Variants in TTN observed in about 807,000 individuals in gnomAD.
The protein encoded by TTN is connectin.
A neutral mutation model predicts 3,223.0 loss-of-function variants in TTN; 1,525 were observed. That is an observed-to-expected ratio of 0.47 (90% CI 0.45 to 0.49). The LOEUF (loss-of-function observed/expected upper bound fraction) is 0.49. Ranked by LOEUF, TTN falls within the 20% of genes least tolerant of loss-of-function variation. The pLI is 0.00. For synonymous variants in TTN, 14,094 were observed against 15,161.0 expected (o/e 0.93, Z 5.17); for missense variants, 40,786 against 43,424.0 (o/e 0.94, Z 5.40).
Position 178,759,103 on chromosome 2 carries a change from A to G in TTN, c.10184T>C (p.Phe3395Ser). 6.2e-7 allele frequency: 1 copy of G among 1,614,024 alleles called. No homozygotes were observed. The highest frequency in any genetic ancestry group is 8.5e-7 in the Non-Finnish European group (1 of 1,179,954). The change falls in exon 44 of 363, where the codon TTT (phenylalanine) becomes TCT (serine). Residue 3395 changes from phenylalanine (F) to serine (S), a missense_variant. Transcript: ENST00000589042. Reference sequence around the variant, plus strand: ...AATTTCCAGTTGATAAGTGTCTTCAAATTGAGTCATTCTAAAGAACCGAGA... The same window carrying G: ...AATTTCCAGTTGATAAGTGTCTTCAGATTGAGTCATTCTAAAGAACCGAGA... The part of the protein sequence containing the change: ...KPSRFFRMTQ[F>S]EDTYQLEIAE...
At chr2:178,769,499 A>T (rs2091123314) in intron 37 of TTN, among the ~76,000 whole-genome samples, 180 bp downstream of exon 37, 1 of 152,004 alleles carries the variant, frequency 6.6e-6, no homozygotes, top group Non-Finnish European at 1.5e-5. Flanking sequence ...CTTGATCTCA[A>T]GTGATTCTCC....
At chr2:178,637,346 A>C in intron 224 of TTN, 23 bp downstream of exon 224, 1 of 1,442,340 alleles carries the variant, frequency 6.9e-7, no homozygotes, top group Non-Finnish European at 9.1e-7. Flanking sequence ...TTACAATGCA[A>C]GTACTAGAAA....
Position 178,717,351 on chromosome 2 carries a change from C to T in TTN, c.25383G>A (p.Lys8461=). 4 of 1,609,860 alleles carry T rather than the reference C, an allele frequency of 2.5e-6. No individual in the cohort carries two copies. Among genetic ancestry groups the T allele is most frequent in the Non-Finnish European group, 3.4e-6 (4 of 1,176,814 alleles). The change falls in exon 88 of 363, where the codon AAG becomes AAA. Residue 8461 remains lysine, a synonymous_variant. Coordinates refer to ENST00000589042, the MANE Select transcript of TTN (RefSeq NM_001267550.2). The part of the protein sequence containing the change: ...EHEVPPFFDL[K]PVSVDLALGE... ...CAAGAGCAAGATCTACTGATACAGG[C>T]TTTAGATCAAAGAAAGGAGGCACTT...
chr2:178,757,976 G>A, intron 44 of TTN, 60 bp from the exon 45 acceptor site: 1 of 1,480,936 alleles, frequency 6.8e-7, no homozygotes, highest in Admixed American at 2.3e-5. Context: ...GAACTCATTT[G>A]GAGTTGTCTA....
In TTN at chr2:178,729,700, C is replaced by T. The variant is rs1460731482; in HGVS notation, c.18553G>A (p.Gly6185Ser). 2 of 1,613,786 alleles carry T rather than the reference C, an allele frequency of 1.2e-6. No individual in the cohort carries two copies. Among genetic ancestry groups the T allele is most frequent in the South Asian group, 1.1e-5 (1 of 91,080 alleles). The stretch of plus-strand genomic sequence containing the variant: ...AGTTCAATGCTGCAGCTCGCCGTGC[C>T]TGCGTCATTTCGAGCTTCACACACA... ...TYVCEARNDA[G>S]TASCSIELKV... The change falls in exon 63 of 363, where the codon GGC becomes AGC. Residue 6185 changes from glycine to serine, a missense_variant. Transcript: ENST00000589042.
chr2:178,802,201 A>G lies in TTN; in HGVS notation c.232T>C (p.Tyr78His). ...GATCCATTGGTGGCTTTCAGGGAAT[A>G]TCGTCCACTGTTGGCTTTAGTCACG... ...PAVTKANSGR[Y>H]SLKATNGSGQ... The change falls in exon 3 of 363, where the codon TAT becomes CAT. Residue 78 changes from tyrosine (Y) to histidine (H), a missense_variant. Coordinates refer to ENST00000589042, the MANE Select transcript of TTN (RefSeq NM_001267550.2). The G allele has an allele frequency of 6.2e-7, 1 of 1,614,150 alleles. No individual in the cohort carries two copies. The highest frequency in any genetic ancestry group is 1.1e-5 in the South Asian group (1 of 91,086).
At chr2:178,583,285 A>G (rs2048186972) in intron 312 of TTN, 58 bp from the exon 313 acceptor site, 1 of 1,373,150 alleles carries the variant, frequency 7.3e-7, no homozygotes, top group Non-Finnish European at 9.7e-7. Flanking sequence ...TGTAATCCTT[A>G]TTAATAATAG....
Position 178,605,070 on chromosome 2 carries a change from A to G in TTN, c.54107T>C (p.Val18036Ala). Residue 18036 changes from valine to alanine, a missense_variant, in exon 280 of 363, where the codon GTC (valine) becomes GCC (alanine). Val to Ala is a moderately conservative substitution (Grantham distance 64). Transcript: ENST00000589042. Reference protein sequence around the residue: ...AKTELSIPKAVREDKGTYTVT... With the variant: ...AKTELSIPKAAREDKGTYTVT... ...TGTGTAAGTGCCTTTGTCCTCCCGG[A>G]CCGCTTTGGGAATGCTAAGCTCAGT... 6.2e-7 allele frequency: 1 copy of G among 1,612,536 alleles called. No homozygotes were observed. The highest frequency in any genetic ancestry group is 8.5e-7 in the Non-Finnish European group (1 of 1,179,086).
chr2:178,692,228 TGTG>T lies in TTN; in HGVS notation c.31679-132_31679-130del, dbSNP rs1045551715. 12 of 936,434 alleles carry T rather than the reference TGTG, an allele frequency of 1.3e-5. No homozygotes were observed. In the African/African-American group the frequency reaches 2.0e-4, roughly 16 times the overall value. The allele number at this position is 936,434 out of a possible 1,614,324, so 58.0% of individuals were successfully genotyped here. On this transcript the variant is annotated intron_variant, in intron 120 of 362. Transcript: ENST00000589042. ...AGGAAGTAATTTAAATATGCCTACT[TGTG>T]GTAGAAATGAAAGCTAAATACCTCA...
chr2:178,579,007 CA>C lies in TTN; in HGVS notation c.68022del (p.Glu22675LysfsTer7), dbSNP rs2047085522. The C allele has an allele frequency of 1.2e-6, 2 of 1,613,202 alleles. No individual in the cohort carries two copies. Among genetic ancestry groups the C allele is most frequent in the Non-Finnish European group, 1.7e-6 (2 of 1,179,496 alleles). On this transcript the variant is annotated frameshift_variant, in exon 320 of 363. Coordinates refer to ENST00000589042, the MANE Select transcript of TTN (RefSeq NM_001267550.2). LOFTEE classifies it high-confidence loss of function. ...KWAPPKDDGG[S>X]EITNYILEKR... ...TTCTCTAGGATATAGTTGGTGATTT[CA>C]GAACCTCCATCATCCTTTGGAGGAG...
At chr2:178,679,308 G>T (rs781549899) in intron 142 of TTN, 31 bp downstream of exon 142, 1 of 1,604,530 alleles carries the variant, frequency 6.2e-7, no homozygotes, top group South Asian at 1.1e-5. Flanking sequence ...GAATTATCAT[G>T]CTATTCCACT....
rs752730793 is a variant in TTN, at chr2:178,775,972, C to A, written c.5892G>T (p.Val1964=). Residue 1964 remains valine (V), a synonymous_variant, in exon 28 of 363, where the codon GTG becomes GTT. Transcript: ENST00000589042. ...PGKLQFEVQK[V]DRPVDTTETK... is the part of the protein sequence containing the mutation. ...TTTCAGTGGTGTCAACAGGTCTATCCACTTTTTGTACTTCAAACTGAAGCT... is the reference window on the plus strand; with the variant it reads ...TTTCAGTGGTGTCAACAGGTCTATCAACTTTTTGTACTTCAAACTGAAGCT... 18 of 1,613,996 alleles carry A rather than the reference C, an allele frequency of 1.1e-5. No homozygotes were observed. The Admixed American group carries it at 2.8e-4, about 25-fold the overall frequency.
chr2:178,561,218 G>A lies in TTN; in HGVS notation c.84914C>T (p.Thr28305Ile). The A allele has an allele frequency of 2.5e-6, 4 of 1,613,500 alleles. No individual in the cohort carries two copies. The South Asian group carries it at 4.4e-5, about 18-fold the overall frequency. The change falls in exon 326 of 363, where the codon ACT becomes ATT. Residue 28305 changes from threonine to isoleucine, a missense_variant. Physicochemically the swap from Thr to Ile is moderately conservative, Grantham distance 89. Coordinates refer to ENST00000589042, the MANE Select transcript of TTN (RefSeq NM_001267550.2). ...TTCAAAGTATGTTTCTTGTATATTA[G>A]TATAATTGCACTTCAGCCACCGGCC... ...PDGRWLKCNY[T>I]NIQETYFEVT... is the part of the protein sequence containing the mutation.
chr2:178,570,232 A>G lies in TTN; in HGVS notation c.75900T>C (p.Asn25300=). The G allele has an allele frequency of 6.2e-7, 1 of 1,613,374 alleles. No homozygotes were observed. The change falls in exon 326 of 363, where the codon AAT becomes AAC. Residue 25300 remains asparagine, a synonymous_variant. Coordinates refer to ENST00000589042, the MANE Select transcript of TTN (RefSeq NM_001267550.2). The part of the protein sequence containing the change: ...PLESEPVVAK[N]PFVVPDAPKA... ...TTGGTGCATCTGGTACTACAAATGG[A>G]TTCTTGGCAACTACTGGCTCAGATT...
Position 178,572,290 on chromosome 2 carries a change from T to G in TTN, c.73842A>C (p.Ser24614=), listed in dbSNP as rs1298294252. 6.2e-7 allele frequency: 1 copy of G among 1,612,670 alleles called. No homozygotes were observed. Among genetic ancestry groups the G allele is most frequent in the Non-Finnish European group, 8.5e-7 (1 of 1,178,932 alleles). The change falls in exon 326 of 363, where the codon TCA becomes TCC. Residue 24614 remains serine, a synonymous_variant. Transcript: ENST00000589042. ...TTTTTCCTGGAGGAAGAGGTCGTTC[T>G]GATGCTTTCACAGATTCTGCGGTTT... ...PAETAESVKA[S]ERPLPPGKIT...
Position 178,733,026 on chromosome 2 carries a change from G to A in TTN, c.16150C>T (p.Leu5384Phe), listed in dbSNP as rs879244251. ...CRLDCKIAGS[L>F]PMRVSWFKDG... ...TTAAACCAGGACACCCTCATGGGGA[G>A]GGAGCCTGCAATTTTGCAGTCCAGT... is the stretch of plus-strand genomic sequence containing the variant. The change falls in exon 55 of 363, where the codon CTC becomes TTC. Residue 5384 changes from leucine to phenylalanine, a missense_variant. Physicochemically the swap from Leu to Phe is conservative, Grantham distance 22 (BLOSUM62 0). Transcript: ENST00000589042. The A allele has an allele frequency of 6.2e-7, 1 of 1,613,488 alleles. No homozygotes were observed. The highest frequency in any genetic ancestry group is 8.5e-7 in the Non-Finnish European group (1 of 1,179,684).
Position 178,794,058 on chromosome 2 carries a change from T to A in TTN, c.1398+341A>T, listed in dbSNP as rs140686259. On this transcript the variant is annotated intron_variant, in intron 8 of 362. Transcript: ENST00000589042. ...CTTCCCTGAAATAGTAGTTTCCACATCCAGTGTGTGCAGTGACTGAGCTCT... is the reference window on the plus strand; with the variant it reads ...CTTCCCTGAAATAGTAGTTTCCACAACCAGTGTGTGCAGTGACTGAGCTCT... Among the ~76,000 whole-genome samples, 695 of 152,350 alleles carry A rather than the reference T, an allele frequency of 4.6e-3. 2 individuals are homozygous for A. Among genetic ancestry groups the A allele is most frequent in the Non-Finnish European group, 8.4e-3 (573 of 68,026 alleles).
Position 178,704,153 on chromosome 2 carries a change from T to C in TTN, c.30217A>G (p.Ile10073Val). 1 of 1,613,764 alleles carries C rather than the reference T, an allele frequency of 6.2e-7. No individual in the cohort carries two copies. ...TCCATAGTGTTTCACGCACCTTCGATTCTGAGTTCTGCTGAAGTTTCAAGG... is the reference window on the plus strand; with the variant it reads ...TCCATAGTGTTTCACGCACCTTCGACTCTGAGTTCTGCTGAAGTTTCAAGG... ...EDLETSAELR[I>V]EAEPIQFTKR... The change falls in exon 106 of 363, where the codon ATC becomes GTC. Residue 10073 changes from isoleucine (I) to valine (V), a missense_variant. Transcript: ENST00000589042.
chr2:178,746,162 C>CTTAACTTA (rs2083494725), intron 47 of TTN: 2 of 1,613,226 alleles, frequency 1.2e-6, no homozygotes, highest in Non-Finnish European at 8.5e-7. Context: ...TTCTTTATAC[C>CTTAACTTA]ACTTAACTTC....
Sources: allele counts gnomAD v4.1 joint callset (sites outside exome capture counted in the v4.1 genomes callset), GRCh38; gene constraint gnomAD v4.1.1; transcripts MANE v1.5; gene names NCBI Gene and HGNC (gene_info 2026-07-23, HGNC 2026-07-21).